The following CALD1 variants were observed in gnomAD, a reference collection of about 807,000 sequenced individuals.
CALD1 encodes caldesmon 1, also known as caldesmon.
CALD1 carries 33 observed loss-of-function variants against 99.9 expected under a neutral mutation model. That is an observed-to-expected ratio of 0.33 (90% CI 0.25 to 0.44). The LOEUF (loss-of-function observed/expected upper bound fraction) is 0.44, where lower values mean the gene tolerates loss of function less well. Ranked by LOEUF, CALD1 falls within the 20% of genes least tolerant of loss-of-function variation. The pLI, the probability that CALD1 is intolerant of heterozygous loss-of-function variation, is 1.00. For synonymous variants in CALD1, 310 were observed against 325.0 expected (o/e 0.95, Z 0.50); for missense variants, 861 against 962.1 (o/e 0.89, Z 1.39).
chr7:134,807,971 TA>T (rs1798211158), intron 1 of CALD1, among the ~76,000 whole-genome samples: 1 of 152,128 alleles, frequency 6.6e-6, no homozygotes, highest in Non-Finnish European at 1.5e-5. Context: ...TCCTCCCAGA[TA>T]ACCTCAATAC....
At chr7:134,887,872 C>A (rs1801952500) in intron 3 of CALD1, among the ~76,000 whole-genome samples, 2 of 151,254 alleles carry the variant, frequency 1.3e-5, no homozygotes, top group South Asian at 4.2e-4. Context: ...GCATGTGTGT[C>A]TGTATGTGTG....
intron 8 of CALD1, 91 bp downstream of exon 8, chr7:134,947,860 ATTTT>A (rs1376856210): frequency 6.2e-6 from 9 of 1,457,932 alleles, no homozygotes; most frequent in Non-Finnish European, 2.8e-6. Flanking sequence ...TCTCAAAAAT[ATTTT>A]TTTAAGAATA....
chr7:134,935,801 C>T (rs1805926962), intron 6 of CALD1, 36 bp downstream of exon 6: 1 of 1,538,026 alleles, frequency 6.5e-7, no homozygotes, highest in Non-Finnish European at 8.7e-7. Flanking sequence ...CGTAAAGCAA[C>T]AGAAAAAGCA....
chr7:134,936,780 T>C (rs1180284758), intron 6 of CALD1, among the ~76,000 whole-genome samples: 1 of 152,210 alleles, frequency 6.6e-6, no homozygotes, highest in East Asian at 1.9e-4. Flanking sequence ...TCTGTTAAGA[T>C]GTATGTTCCT....
chr7:134,903,946 G>A (rs1803181816), intron 3 of CALD1, among the ~76,000 whole-genome samples: 2 of 152,050 alleles, frequency 1.3e-5, no homozygotes, highest in South Asian at 4.1e-4. Flanking sequence ...GGATAGGCTA[G>A]GCATGGGGCC....
intron 2 of CALD1, among the ~76,000 whole-genome samples, chr7:134,847,288 C>A (rs1054367053): frequency 1.3e-5 from 2 of 152,172 alleles, no homozygotes; most frequent in Non-Finnish European, 2.9e-5. Context: ...GAAACCTTGA[C>A]AAAGTCCTTA....
At chr7:134,951,497 G>C (rs145863590) in intron 9 of CALD1, among the ~76,000 whole-genome samples, 2 of 152,204 alleles carry the variant, frequency 1.3e-5, no homozygotes, top group African/African-American at 4.8e-5. Flanking sequence ...TTTCATGCTA[G>C]CTGTTCATTT....
chr7:134,749,395 G>A (rs1341469919), intron 1 of CALD1, among the ~76,000 whole-genome samples: 2 of 152,134 alleles, frequency 1.3e-5, no homozygotes, highest in East Asian at 3.9e-4. Context: ...CGAGGTGGGC[G>A]GATCACTTGA....
intron 4 of CALD1, among the ~76,000 whole-genome samples, chr7:134,930,771 C>T (rs1036636534): frequency 1.3e-5 from 2 of 152,160 alleles, no homozygotes; most frequent in Non-Finnish European, 2.9e-5. Context: ...AACTATGTAA[C>T]AATACATGTA....
At chr7:134,926,145 C>T (rs190562471) in intron 3 of CALD1, among the ~76,000 whole-genome samples, 10 of 152,306 alleles carry the variant, frequency 6.6e-5, no homozygotes, top group Non-Finnish European at 1.0e-4. Context: ...TTTTTCCTCA[C>T]GAAGCGGCTC....
At chr7:134,752,818 T>C (rs924635317) in intron 1 of CALD1, among the ~76,000 whole-genome samples, 5 of 151,934 alleles carry the variant, frequency 3.3e-5, no homozygotes, top group Non-Finnish European at 7.4e-5. Context: ...CTGGCCAACA[T>C]GGTGAAACAC....
At chr7:134,965,649 C>G (rs770055588) in intron 14 of CALD1, among the ~76,000 whole-genome samples, 1 of 152,142 alleles carries the variant, frequency 6.6e-6, no homozygotes, top group Non-Finnish European at 1.5e-5. Context: ...GGAACATTGG[C>G]AGCAGAAGGC....
At chr7:134,831,552 C>T (rs1166697385) in intron 1 of CALD1, among the ~76,000 whole-genome samples, 2 of 152,154 alleles carry the variant, frequency 1.3e-5, no homozygotes, top group East Asian at 3.8e-4. Context: ...AACTCCTGAC[C>T]TCGTGATCTG....
At chr7:134,827,737 G>A (rs1799060429) in intron 1 of CALD1, among the ~76,000 whole-genome samples, 1 of 152,208 alleles carries the variant, frequency 6.6e-6, no homozygotes, top group Non-Finnish European at 1.5e-5. Context: ...GTTATTTGGG[G>A]AAGGTGATGG....
chr7:134,711,660 C>CTCTCTCTCTCTCTCTCTCTCTA, the CALD1 span, among the ~76,000 whole-genome samples: 5 of 78,356 alleles, frequency 6.4e-5, no homozygotes, highest in African/African-American at 3.1e-4. Flanking sequence ...CTCTCTCTCT[C>CTCTCTCTCTCTCTCTCTCTCTA]TATATATATA....
In CALD1 at chr7:134,812,629, G is replaced by A. The variant is rs547669370; in HGVS notation, c.-129-31255G>A. Among the ~76,000 whole-genome samples, 21 of 152,032 alleles carry A rather than the reference G, an allele frequency of 1.4e-4. 1 individual carries two copies. The highest frequency in any genetic ancestry group is 5.1e-4 in the African/African-American group (21 of 41,466). On this transcript the variant is annotated intron_variant, in intron 1 of 14. Transcript: ENST00000361675. ...CTCAAGGTTTTTGGTCTAAAAGACTGGAATAATGGTGTTTTCATTTACCAA... is the reference window on the plus strand; with the variant it reads ...CTCAAGGTTTTTGGTCTAAAAGACTAGAATAATGGTGTTTTCATTTACCAA...
chr7:134,894,952 TAA>T (rs1380414382), intron 3 of CALD1, among the ~76,000 whole-genome samples: 33 of 152,138 alleles, frequency 2.2e-4, no homozygotes, highest in African/African-American at 8.0e-4. Context: ...AGCTGAAAGT[TAA>T]AAGTTTTTTG....
intron 1 of CALD1, among the ~76,000 whole-genome samples, chr7:134,839,134 A>T (rs1021127800): frequency 5.9e-5 from 9 of 152,198 alleles, no homozygotes; most frequent in Non-Finnish European, 4.4e-5. Flanking sequence ...CTGATTTCTA[A>T]CATGAAGTAT....
chr7:134,798,462 C>G (rs1797829604), intron 1 of CALD1, among the ~76,000 whole-genome samples: 1 of 152,196 alleles, frequency 6.6e-6, no homozygotes, highest in African/African-American at 2.4e-5. Context: ...TAGGCAGAAG[C>G]CTTAGAGTGA....
Sources: gnomAD v4.1 joint callset for allele counts (sites outside exome capture counted in the v4.1 genomes callset) on GRCh38, gnomAD v4.1.1 for gene constraint, MANE v1.5 for transcripts, NCBI Gene and HGNC (gene_info 2026-07-23, HGNC 2026-07-21) for gene names.